GPA33: variants seen among roughly 807,000 people sequenced by gnomAD.
GPA33 encodes glycoprotein A33, also known as cell surface A33 antigen.
In GPA33, 27 loss-of-function variants were observed where a neutral mutation model predicts 35.6. The ratio of observed to expected loss-of-function variants is 0.76; its 90% confidence interval spans 0.56 to 1.04. GPA33 has a LOEUF of 1.04. Among genes scored for constraint, GPA33 ranks in the 50% least tolerant of loss-of-function variants. The pLI, the probability that GPA33 is intolerant of heterozygous loss-of-function variation, is 0.00. For synonymous variants in GPA33, 176 were observed against 164.0 expected, an observed-to-expected ratio of 1.07 and a Z score of -0.56; for missense variants, 428 against 411.9, an observed-to-expected ratio of 1.04 and a Z score of -0.34.
chr1:167,065,291 G>A (rs1414004702), intron 3 of GPA33, among the ~76,000 whole-genome samples: 3 of 152,206 alleles, frequency 2.0e-5, no homozygotes, highest in Non-Finnish European at 4.4e-5. Context: ...AGTAAACAAG[G>A]CCAGTGGTGG....
intron 1 of GPA33, among the ~76,000 whole-genome samples, chr1:167,080,739 C>T (rs1666927994): frequency 6.6e-6 from 1 of 152,234 alleles, no homozygotes; most frequent in African/African-American, 2.4e-5. Flanking sequence ...AAGGACTCTA[C>T]AGGCAATCTA....
In GPA33 at chr1:167,063,723, G is replaced by C. The variant is rs188793256; in HGVS notation, c.430C>G (p.Pro144Ala). 1.3e-4 allele frequency: 217 copies of C among 1,613,014 alleles called. 2 individuals are homozygous for C. In the East Asian group the frequency reaches 3.9e-3, roughly 29 times the overall value. Residue 144 changes from proline to alanine, a missense_variant, in exon 4 of 7, where the codon CCA (proline) becomes GCA (alanine). Physicochemically the swap from Pro to Ala is conservative, Grantham distance 27. Transcript: ENST00000367868. ...RLLVLVPPSK[P>A]ECGIEGETII... ...GTCTCTCCCTCGATGCCGCATTCTGGTTTGGAGGGTGGCACTATATAGAGG... is the reference window on the plus strand; with the variant it reads ...GTCTCTCCCTCGATGCCGCATTCTGCTTTGGAGGGTGGCACTATATAGAGG...
chr1:167,079,338 A>G (rs144094718), intron 1 of GPA33, among the ~76,000 whole-genome samples: 1 of 152,038 alleles, frequency 6.6e-6, no homozygotes, highest in African/African-American at 2.4e-5. Flanking sequence ...ACTAAACTAC[A>G]AAAATTAGCC....
At chr1:167,067,858 G>C (rs1198508831) in intron 3 of GPA33, among the ~76,000 whole-genome samples, 1 of 152,172 alleles carries the variant, frequency 6.6e-6, no homozygotes, top group Non-Finnish European at 1.5e-5. Context: ...GAAAGGAAAA[G>C]AGAAAAGTAT....
In GPA33 at chr1:167,054,478, C is replaced by G. The variant is rs1157790993; in HGVS notation, c.828-12G>C. ...AGGCTTCCCGGTTCCTGCAGGGCAG[C>G]AGGGGACAGAGGGGAAGGATTTGCT... On this transcript the variant is annotated splice_polypyrimidine_tract_variant and intron_variant, in intron 6 of 6. Coordinates refer to ENST00000367868, the MANE Select transcript of GPA33 (RefSeq NM_005814.3). 1 of 1,613,900 alleles carries G rather than the reference C, an allele frequency of 6.2e-7. No homozygotes were observed. Among genetic ancestry groups the G allele is most frequent in the Non-Finnish European group, 8.5e-7 (1 of 1,179,972 alleles).
In GPA33 at chr1:167,054,465, TC is replaced by T; in HGVS notation, c.828del (p.Asn277ThrfsTer12). 6.2e-7 allele frequency: 1 copy of T among 1,614,038 alleles called. No individual in the cohort carries two copies. The highest frequency in any genetic ancestry group is 8.5e-7 in the Non-Finnish European group (1 of 1,179,994). Reference protein sequence around the residue: ...DNTEDKEDARPNREAYEEPPE... With the variant: ...DNTEDKEDARXNREAYEEPPE... ...GGTGGCTCCTCATAGGCTTCCCGGT[TC>T]CTGCAGGGCAGCAGGGGACAGAGGG... On this transcript the variant is annotated frameshift_variant and splice_region_variant, in exon 7 of 7. Transcript: ENST00000367868. LOFTEE classifies it low-confidence loss of function (END_TRUNC).
At chr1:167,085,194 G>C (rs1667025043) in intron 1 of GPA33, among the ~76,000 whole-genome samples, 1 of 152,168 alleles carries the variant, frequency 6.6e-6, no homozygotes, top group Non-Finnish European at 1.5e-5. Flanking sequence ...GGAGAGCCTG[G>C]GACTGAGGGT....
chr1:167,059,328 A>C (rs1038226028), intron 4 of GPA33, among the ~76,000 whole-genome samples: 1 of 152,074 alleles, frequency 6.6e-6, no homozygotes, highest in Admixed American at 6.5e-5. Flanking sequence ...TGCAGTGGCG[A>C]CACCTTGTGG....
Position 167,055,017 on chromosome 1 carries a change from T to TCGG in GPA33, c.783_785dup (p.Arg262dup). ...TGTCTTCAGTGTTGTCGTCCTTCCC[T>TCGG]CGGCAGCAGCAGCAGTAGATGATGA... On this transcript the variant is annotated inframe_insertion, in exon 6 of 7. Coordinates refer to ENST00000367868, the MANE Select transcript of GPA33 (RefSeq NM_005814.3). The TCGG allele has an allele frequency of 1.2e-6, 2 of 1,614,004 alleles. No homozygotes were observed. Among genetic ancestry groups the TCGG allele is most frequent in the Non-Finnish European group, 1.7e-6 (2 of 1,180,022 alleles).
At chr1:167,059,594 C>G (rs559680527) in intron 4 of GPA33, among the ~76,000 whole-genome samples, 2 of 152,188 alleles carry the variant, frequency 1.3e-5, no homozygotes, top group African/African-American at 4.8e-5. Flanking sequence ...ACCGCCTCCC[C>G]TTAAGTGCTC....
rs555598932 is a variant in GPA33, at chr1:167,067,951, T to C, written c.415+971A>G. 4.6e-5 allele frequency among the ~76,000 whole-genome samples: 7 copies of C among 152,042 alleles called. No individual in the cohort carries two copies. The South Asian group carries it at 1.5e-3, about 32-fold the overall frequency. On this transcript the variant is annotated intron_variant, in intron 3 of 6. Coordinates refer to ENST00000367868, the MANE Select transcript of GPA33 (RefSeq NM_005814.3). ...TGCCATTGGCTACCTCTCTAGGGGG[T>C]AGGGTGGAAGGAGACCTTAGTTATT...
At chr1:167,072,601 C>T (rs73028882) in intron 2 of GPA33, among the ~76,000 whole-genome samples, 12,585 of 151,894 alleles carry the variant, frequency 0.083, 1,257 homozygotes, top group African/African-American at 0.24. Context: ...ATTTATGCAG[C>T]GTTATTTGTA....
At position 167,055,813 on chromosome 1, in the gene GPA33, G is replaced by A. The variant is rs41270696; in HGVS notation, c.608C>T (p.Thr203Ile). The change falls in exon 5 of 7, where the codon ACA becomes ATA. Residue 203 changes from threonine to isoleucine, a missense_variant. Coordinates refer to ENST00000367868, the MANE Select transcript of GPA33 (RefSeq NM_005814.3). ...ACAGATGTAGTAACCCGATGTGTCT[G>A]TGGAGATATTCTTCAGGGAGACAGG... ...GQPVSLKNIS[T>I]DTSGYYICTS... is the part of the protein sequence containing the mutation. The A allele has an allele frequency of 1.8e-3, 2,971 of 1,613,898 alleles. 6 individuals carry two copies. The highest frequency in any genetic ancestry group is 4.6e-3 in the Middle Eastern group (28 of 6,056).
chr1:167,056,438 CTGTG>C (rs1196299729), intron 4 of GPA33, among the ~76,000 whole-genome samples: 4 of 148,764 alleles, frequency 2.7e-5, no homozygotes, highest in Non-Finnish European at 6.0e-5. Flanking sequence ...GTGTGTGTGT[CTGTG>C]TGTTATGTGG....
At chr1:167,066,850 GT>G (rs113726388) in intron 3 of GPA33, among the ~76,000 whole-genome samples, 6 of 152,288 alleles carry the variant, frequency 3.9e-5, no homozygotes, top group African/African-American at 1.4e-4. Context: ...CGGAGCCCCA[GT>G]TTTCCCAGCC....
At chr1:167,066,130 G>T (rs551929489) in intron 3 of GPA33, among the ~76,000 whole-genome samples, 2 of 152,168 alleles carry the variant, frequency 1.3e-5, no homozygotes, top group Non-Finnish European at 2.9e-5. Context: ...TCCACAATTG[G>T]AGAGCGGGCA....
In GPA33 at chr1:167,087,986, A is replaced by G. The variant is rs568515091; in HGVS notation, c.43+2259T>C. 1.4e-4 allele frequency among the ~76,000 whole-genome samples: 22 copies of G among 151,990 alleles called. 1 individual carries two copies. The South Asian group carries it at 4.2e-3, about 29-fold the overall frequency. On this transcript the variant is annotated intron_variant, in intron 1 of 6. Coordinates refer to ENST00000367868, the MANE Select transcript of GPA33 (RefSeq NM_005814.3). The stretch of plus-strand genomic sequence containing the variant: ...GATTGCTTTTAAACTCCCTACTTTA[A>G]AAGCACGGCCTTGCGTTTGTGCCCC...
chr1:167,086,542 C>G (rs35607776), intron 1 of GPA33, among the ~76,000 whole-genome samples: 10,497 of 152,250 alleles, frequency 0.069, 390 homozygotes, highest in African/African-American at 0.096. Context: ...GTGATCCACA[C>G]GAACATGGCA....
intron 4 of GPA33, among the ~76,000 whole-genome samples, chr1:167,056,105 ACT>A (rs1489980445): frequency 6.6e-6 from 1 of 152,158 alleles, no homozygotes; most frequent in African/African-American, 2.4e-5. Context: ...TTAGCAAGTA[ACT>A]CAGCTTCATT....
Sources: gnomAD v4.1 joint callset for allele counts (sites outside exome capture counted in the v4.1 genomes callset) on GRCh38, gnomAD v4.1.1 for gene constraint, MANE v1.5 for transcripts, NCBI Gene and HGNC (gene_info 2026-07-23, HGNC 2026-07-21) for gene names.